Variants in CDH18 observed in about 807,000 individuals in gnomAD.
CDH18 encodes cadherin 18.
A neutral mutation model predicts 67.9 loss-of-function variants in CDH18; 31 were observed. The ratio of observed to expected loss-of-function variants is 0.46; its 90% CI spans 0.34 to 0.62. The LOEUF is 0.62. CDH18 is among the 20% of genes least tolerant of loss of function. The pLI is 0.01. For synonymous variants in CDH18, 362 were observed against 347.2 expected (o/e 1.04, Z -0.48); for missense variants, 890 against 975.5 (o/e 0.91, Z 1.17).
chr5:20,040,407 G>C (rs898808667), intron 2 of CDH18, among the ~76,000 whole-genome samples: 2 of 152,168 alleles, frequency 1.3e-5, no homozygotes, highest in Admixed American at 1.3e-4. Context: ...GTTTATAAGT[G>C]AACAACTAAA....
chr5:19,486,014 G>C (rs1189634083), intron 11 of CDH18, among the ~76,000 whole-genome samples: 3 of 152,076 alleles, frequency 2.0e-5, no homozygotes, highest in Non-Finnish European at 4.4e-5. Context: ...TGCATTTTAA[G>C]TCCTGAAATA....
At chr5:20,473,581 C>T (rs746056033) in intron 1 of CDH18, among the ~76,000 whole-genome samples, 4 of 151,914 alleles carry the variant, frequency 2.6e-5, no homozygotes, top group African/African-American at 4.8e-5. Context: ...GTTCTTTTCA[C>T]TTGAATTTCT....
At chr5:20,398,205 T>G (rs1745443849) in intron 1 of CDH18, among the ~76,000 whole-genome samples, 1 of 152,170 alleles carries the variant, frequency 6.6e-6, no homozygotes, top group South Asian at 2.1e-4. Context: ...TATTTTAAAT[T>G]ATTATGTTTT....
rs1765161200 is a variant in CDH18 at position 19,714,908 on chromosome 5, T to C, written c.643+6439A>G. On this transcript the variant is annotated intron_variant, in intron 5 of 12. Transcript: ENST00000382275. ...TTATTATTGTTATTATTATTATCAA[T>C]AGGAATGGGTTATAAAAAGATAAAT... Among the ~76,000 whole-genome samples, 4 of 152,092 alleles carry C rather than the reference T, an allele frequency of 2.6e-5. 1 individual carries two copies. In the South Asian group the frequency reaches 8.3e-4, roughly 32 times the overall value.
intron 2 of CDH18, among the ~76,000 whole-genome samples, chr5:20,048,925 T>C (rs1230828537): frequency 6.6e-6 from 1 of 151,794 alleles, no homozygotes; most frequent in East Asian, 1.9e-4. Context: ...GATTTCTATA[T>C]AAAATATTTC....
intron 1 of CDH18, among the ~76,000 whole-genome samples, chr5:20,471,733 C>T (rs1335406120): frequency 2.8e-5 from 4 of 144,494 alleles, no homozygotes; most frequent in South Asian, 2.3e-4. Flanking sequence ...ACCCGGGAGG[C>T]GGAGGTTGCA....
chr5:20,262,815 A>G (rs1744751099), intron 1 of CDH18, among the ~76,000 whole-genome samples: 2 of 151,942 alleles, frequency 1.3e-5, no homozygotes, highest in African/African-American at 2.4e-5. Flanking sequence ...TAATTAATTG[A>G]TTTGAGAAAC....
chr5:20,175,501 T>C (rs1737162185), intron 2 of CDH18, among the ~76,000 whole-genome samples: 1 of 152,172 alleles, frequency 6.6e-6, no homozygotes, highest in Admixed American at 6.6e-5. Context: ...TCTCTTTGAA[T>C]AGGTTTGCCA....
intron 2 of CDH18, among the ~76,000 whole-genome samples, chr5:20,093,425 C>A (rs1314370452): frequency 6.6e-6 from 1 of 151,372 alleles, no homozygotes; most frequent in African/African-American, 2.4e-5. Flanking sequence ...TGGAAGTATG[C>A]ATAAATAATA....
intron 1 of CDH18, among the ~76,000 whole-genome samples, chr5:20,315,138 C>T (rs1737347606): frequency 2.0e-5 from 3 of 152,028 alleles, no homozygotes. Context: ...ACTTGCATGT[C>T]TCCTCCCATC....
chr5:20,239,104 T>C (rs1217360860), intron 2 of CDH18, among the ~76,000 whole-genome samples: 1 of 152,164 alleles, frequency 6.6e-6, no homozygotes, highest in African/African-American at 2.4e-5. Context: ...GTAATAATGA[T>C]GCTTAACACA....
Position 19,510,508 on chromosome 5 carries a change from G to C in CDH18, c.1513-7399C>G, listed in dbSNP as rs114729275. On this transcript the variant is annotated intron_variant, in intron 10 of 12. Transcript: ENST00000382275. ...CATCTAAAACTATTCAATGTTAAAG[G>C]CAACAATGGTAGCTAAATGTATAGT... is the stretch of plus-strand genomic sequence containing the variant. Among the ~76,000 whole-genome samples the C allele has an allele frequency of 9.7e-3, 1,473 of 152,200 alleles. 15 individuals carry two copies. Among genetic ancestry groups the C allele is most frequent in the South Asian group, 0.031 (149 of 4,822 alleles).
chr5:19,541,453 C>T (rs1481747704), intron 9 of CDH18, among the ~76,000 whole-genome samples: 2 of 152,116 alleles, frequency 1.3e-5, no homozygotes, highest in African/African-American at 4.8e-5. Flanking sequence ...CAGCACTACC[C>T]CGCTCTACTG....
chr5:19,952,640 G>T (rs1266666180), intron 2 of CDH18, among the ~76,000 whole-genome samples: 1 of 152,114 alleles, frequency 6.6e-6, no homozygotes, highest in African/African-American at 2.4e-5. Context: ...CTATTTTGCT[G>T]AAATAACTTG....
rs536898264 is a variant in CDH18, at chr5:20,249,308, A to T, written c.-518+6136T>A. ...ACATTCATTTCTTTTAAATAAATAA[A>T]TTTTTTTATTTAATTGCCTACTAAA... On this transcript the variant is annotated intron_variant, in intron 2 of 14. Transcript: ENST00000507958. Among the ~76,000 whole-genome samples the T allele has an allele frequency of 1.1e-4, 16 of 151,804 alleles. No homozygotes were observed. The East Asian group carries it at 1.2e-3, about 11-fold the overall frequency.
intron 2 of CDH18, among the ~76,000 whole-genome samples, chr5:19,955,586 TAGA>T (rs1486884885): frequency 4.6e-5 from 7 of 152,084 alleles, no homozygotes; most frequent in African/African-American, 1.7e-4. Flanking sequence ...TTAACTATAA[TAGA>T]GTGCCCAGGC....
At chr5:20,496,498 A>G (rs1753914311) in intron 1 of CDH18, among the ~76,000 whole-genome samples, 1 of 152,180 alleles carries the variant, frequency 6.6e-6, no homozygotes, top group Non-Finnish European at 1.5e-5. Context: ...AATTGAATAT[A>G]CCATTATTTA....
chr5:19,924,663 C>G (rs1276403554), intron 2 of CDH18, among the ~76,000 whole-genome samples: 3 of 152,040 alleles, frequency 2.0e-5, no homozygotes, highest in Non-Finnish European at 4.4e-5. Flanking sequence ...AACAATAGGA[C>G]TTTAAATTTT....
chr5:19,851,239 T>C (rs1351347872), intron 2 of CDH18, among the ~76,000 whole-genome samples: 2 of 151,828 alleles, frequency 1.3e-5, no homozygotes, highest in Admixed American at 6.6e-5. Flanking sequence ...TTGTCGGGAA[T>C]ATTTAGAAGG....
Sources: gnomAD v4.1 joint callset for allele counts (sites outside exome capture counted in the v4.1 genomes callset) on GRCh38, gnomAD v4.1.1 for gene constraint, MANE v1.5 for transcripts, NCBI Gene and HGNC (gene_info 2026-07-23, HGNC 2026-07-21) for gene names.